The following FAM217B variants were observed in gnomAD, a reference collection of about 807,000 sequenced individuals.
FAM217B encodes the protein protein FAM217B.
For synonymous variants in FAM217B, 163 were observed against 173.0 expected, an observed-to-expected ratio of 0.94 and a Z score of 0.45; for missense variants, 463 against 456.9, an observed-to-expected ratio of 1.01 and a Z score of -0.12.
At chr20:59,934,467 G>C (rs2060843244) in intron 1 of FAM217B, among the ~76,000 whole-genome samples, 3 of 152,174 alleles carry the variant, frequency 2.0e-5, no homozygotes, top group Admixed American at 6.5e-5. Flanking sequence ...CTCGCGTTCT[G>C]AGATGGAAAC....
At chr20:59,941,177 A>G (rs2060902816) in intron 1 of FAM217B, among the ~76,000 whole-genome samples, 2 of 152,256 alleles carry the variant, frequency 1.3e-5, no homozygotes, top group Non-Finnish European at 2.9e-5. Flanking sequence ...GAAATGAAGT[A>G]GAAAAGATGC....
rs1363963073 is a variant in FAM217B, at chr20:59,948,037, T to TA, written c.*2953dup. 9.0e-3 allele frequency: 1,315 copies of TA among 145,508 alleles called. 5 individuals carry two copies. The highest frequency in any genetic ancestry group is 0.011 in the Middle Eastern group (3 of 266). The allele number at this position is 145,508 out of a possible 1,614,324, so 9.0% of individuals were successfully genotyped here. ...CCAATTAAAACAATCCAAGTTTCTT[T>TA]AAAAAAAAAAAGAAAAAGAAAAAGA... On this transcript the variant is annotated 3_prime_UTR_variant, in exon 4 of 4. Transcript: ENST00000360816.
Position 59,945,472 on chromosome 20 carries a change from A to G in FAM217B, c.*377A>G, listed in dbSNP as rs1369452802. 5.1e-6 allele frequency: 1 copy of G among 194,270 alleles called. No homozygotes were observed. Among genetic ancestry groups the G allele is most frequent in the African/African-American group, 2.4e-5 (1 of 41,816 alleles). 12.0% of individuals were successfully genotyped at this position (194,270 alleles called of 1,614,324 possible). On this transcript the variant is annotated 3_prime_UTR_variant, in exon 4 of 4. Transcript: ENST00000360816. ...TCCCCATTTTCACATGCACGTAAGT[A>G]TATGAAATAGTGCAGACTGTTTCAA...
At chr20:59,938,928 G>T, upstream of FAM217B, 1 of 1,169,096 alleles carries the variant, frequency 8.6e-7, no homozygotes, top group South Asian at 2.1e-5. Context: ...CAGAGGACTT[G>T]GAGGGTGGTG....
At chr20:59,938,899 T>C, upstream of FAM217B, 1 of 871,330 alleles carries the variant, frequency 1.1e-6, no homozygotes. Flanking sequence ...CCAGGGGACC[T>C]TGCAGCAGAA....
chr20:59,935,860 T>A (rs2060859332), upstream of FAM217B, among the ~76,000 whole-genome samples: 1 of 152,250 alleles, frequency 6.6e-6, no homozygotes, highest in Non-Finnish European at 1.5e-5. Context: ...ATATGTCATA[T>A]AACAGGTAGA....
intron 1 of FAM217B, among the ~76,000 whole-genome samples, chr20:59,941,059 G>T (rs1326568086): frequency 6.6e-6 from 1 of 152,166 alleles, no homozygotes; most frequent in African/African-American, 2.4e-5. Flanking sequence ...CACCAGCAAG[G>T]CCTGGAGCTT....
chr20:59,939,874 C>G, upstream of FAM217B: 1 of 1,248,192 alleles, frequency 8.0e-7, no homozygotes, highest in Non-Finnish European at 1.0e-6. Flanking sequence ...CTCCGGGGGC[C>G]GAGCTTCCGG....
At chr20:59,940,914 G>A (rs962910605) in intron 1 of FAM217B, among the ~76,000 whole-genome samples, 3 of 152,206 alleles carry the variant, frequency 2.0e-5, no homozygotes, top group African/African-American at 7.2e-5. Flanking sequence ...CCGCGCCAGA[G>A]AGGAAGACAG....
chr20:59,944,796 A>G lies in FAM217B; in HGVS notation c.853A>G (p.Thr285Ala). 6.2e-7 allele frequency: 1 copy of G among 1,614,204 alleles called. No individual in the cohort carries two copies. Among genetic ancestry groups the G allele is most frequent in the Non-Finnish European group, 8.5e-7 (1 of 1,180,036 alleles). ...TACCAGGTTTTGTTCTCAGAGGCAA[A>G]CCCTTGAAATGAGGACAGAAGAAAA... The part of the protein sequence containing the change: ...GGTRFCSQRQ[T>A]LEMRTEEKKK... Residue 285 changes from threonine to alanine, a missense_variant, in exon 4 of 4, where the codon ACC (threonine) becomes GCC (alanine). By Grantham distance (58) the Thr-to-Ala change is moderately conservative (BLOSUM62 0). Coordinates refer to ENST00000360816, the MANE Select transcript of FAM217B (RefSeq NM_022106.3).
chr20:59,935,899 A>G (rs1052756206), upstream of FAM217B, among the ~76,000 whole-genome samples: 1 of 152,242 alleles, frequency 6.6e-6, no homozygotes, highest in Non-Finnish European at 1.5e-5. Flanking sequence ...ACAGGTTTCA[A>G]TGTTCAATTT....
Position 59,945,152 on chromosome 20 carries a change from CA to C in FAM217B, c.*61del. On this transcript the variant is annotated 3_prime_UTR_variant, in exon 4 of 4. Coordinates refer to ENST00000360816, the MANE Select transcript of FAM217B (RefSeq NM_022106.3). ...AGGTACCTCAATGTTAGAGCGCTTCCAAAAGTCAAAATACTGTGAATTTTAA... is the reference window on the plus strand; with the variant it reads ...AGGTACCTCAATGTTAGAGCGCTTCCAAAGTCAAAATACTGTGAATTTTAA... 7.3e-7 allele frequency: 1 copy of C among 1,363,920 alleles called. No individual in the cohort carries two copies. The highest frequency in any genetic ancestry group is 1.6e-5 in the South Asian group (1 of 64,204). 84.5% of individuals were successfully genotyped at this position (1,363,920 alleles called of 1,614,324 possible).
upstream of FAM217B, chr20:59,938,400 T>TA (rs2060874694): frequency 6.6e-6 from 1 of 152,240 alleles, no homozygotes. Context: ...TGATGACTGA[T>TA]AAAGCAGAAA....
chr20:59,939,442 C>G, upstream of FAM217B: 1 of 1,611,538 alleles, frequency 6.2e-7, no homozygotes, highest in Non-Finnish European at 8.5e-7. Flanking sequence ...TCGGCGGCCT[C>G]GACGGGCGGC....
chr20:59,939,321 A>T, upstream of FAM217B: 1 of 1,611,884 alleles, frequency 6.2e-7, no homozygotes, highest in Non-Finnish European at 8.5e-7. Flanking sequence ...GCGCACAGCC[A>T]CCTGCTTCTC....
chr20:59,946,840 A>T lies in FAM217B; in HGVS notation c.*1745A>T, dbSNP rs1272145149. 1 of 167,066 alleles carries T rather than the reference A, an allele frequency of 6.0e-6. No individual in the cohort carries two copies. The highest frequency in any genetic ancestry group is 1.5e-5 in the Non-Finnish European group (1 of 68,122). The allele number at this position is 167,066 out of a possible 1,614,324, so 10.3% of individuals were successfully genotyped here. A position where few individuals can be genotyped will look rare whatever the true frequency, so the allele number is the denominator to read the frequency against. ...ATATGTTTTATATTTGGAAAACAGC[A>T]CTACGCTTAGTTTTCCTGTAGTTCC... On this transcript the variant is annotated 3_prime_UTR_variant, in exon 4 of 4. Coordinates refer to ENST00000360816, the MANE Select transcript of FAM217B (RefSeq NM_022106.3).
chr20:59,934,100 G>A (rs895255822), intron 1 of FAM217B, among the ~76,000 whole-genome samples: 2 of 152,158 alleles, frequency 1.3e-5, no homozygotes, highest in South Asian at 4.1e-4. Context: ...AGCCAGCCCT[G>A]CAGGGGCGAG....
At chr20:59,939,652 G>A (rs1173963125), upstream of FAM217B, 7 of 1,524,226 alleles carry the variant, frequency 4.6e-6, no homozygotes, top group Admixed American at 2.1e-5. Flanking sequence ...CAGCCCGGCC[G>A]ACACGCAGCG....
chr20:59,940,659 G>C (rs117055996), intron 1 of FAM217B, 124 bp downstream of exon 1: 1,783 of 152,546 alleles, frequency 0.012, 17 homozygotes, highest in Middle Eastern at 0.03. Context: ...GTTGTGGATG[G>C]GGGGAGCGGT....
Sources: gnomAD v4.1 joint callset for allele counts (sites outside exome capture counted in the v4.1 genomes callset) on GRCh38, gnomAD v4.1.1 for gene constraint, MANE v1.5 for transcripts, NCBI Gene and HGNC (gene_info 2026-07-23, HGNC 2026-07-21) for gene names.